Variants in ARHGEF28 observed in about 807,000 individuals in gnomAD.
The protein encoded by ARHGEF28 is 190 kDa guanine nucleotide exchange factor.
A neutral mutation model predicts 206.6 loss-of-function variants in ARHGEF28; 152 were observed. The observed-to-expected ratio is 0.74, with a 90% CI of 0.64 to 0.84. ARHGEF28 has a LOEUF of 0.84. Among genes scored for constraint, ARHGEF28 ranks in the 40% least tolerant of loss-of-function variants. The pLI, the probability that ARHGEF28 is intolerant of heterozygous loss-of-function variation, is 0.00. For synonymous variants in ARHGEF28, 763 were observed against 776.4 expected (o/e 0.98, Z 0.29); for missense variants, 2,028 against 2,073.2 (o/e 0.98, Z 0.42).
intron 26 of ARHGEF28, among the ~76,000 whole-genome samples, chr5:73,890,798 A>C (rs556486110): frequency 1.3e-5 from 2 of 152,324 alleles, no homozygotes; most frequent in South Asian, 4.1e-4. Flanking sequence ...CCAGCTCTGT[A>C]AACACTGGTG....
At chr5:73,858,813 C>T (rs1351223658) in intron 16 of ARHGEF28, among the ~76,000 whole-genome samples, 1 of 152,168 alleles carries the variant, frequency 6.6e-6, no homozygotes, top group Non-Finnish European at 1.5e-5. Context: ...AAAAAATCTC[C>T]CAATGGCTTC....
Position 73,749,853 on chromosome 5 carries a change from A to C in ARHGEF28, c.50A>C (p.Tyr17Ser). Residue 17 changes from tyrosine to serine, a missense_variant, in exon 3 of 36, where the codon TAT becomes TCT. By Grantham distance (144) the Tyr-to-Ser change is moderately radical (BLOSUM62 -2). Around this residue, in one of 3 missense-constraint regions of ARHGEF28, gnomAD observed 1,002 missense variants for 1,015.3 expected, o/e 0.99. Coordinates refer to ENST00000513042, the MANE Select transcript of ARHGEF28 (RefSeq NM_001177693.2). ...CTTTTTCAGGGGCAGATGATGATCT[A>C]TGCGAAGTTTGACAAAAATGTGTAT... ...EAPLYGQMMI[Y>S]AKFDKNVYLP... is the part of the protein sequence containing the mutation. 6.2e-7 allele frequency: 1 copy of C among 1,614,040 alleles called. No individual in the cohort carries two copies. The highest frequency in any genetic ancestry group is 1.1e-5 in the South Asian group (1 of 91,076).
chr5:73,881,462 T>A (rs1208924393), intron 22 of ARHGEF28, among the ~76,000 whole-genome samples: 1 of 152,218 alleles, frequency 6.6e-6, no homozygotes, highest in Non-Finnish European at 1.5e-5. Context: ...ATTTTTGTCA[T>A]CTTTCACTGG....
At chr5:73,760,862 C>T (rs1371276544) in intron 4 of ARHGEF28, among the ~76,000 whole-genome samples, 2 of 152,132 alleles carry the variant, frequency 1.3e-5, no homozygotes, top group Non-Finnish European at 2.9e-5. Context: ...TAAGGTACTA[C>T]ATGTTAAATA....
intron 35 of ARHGEF28, among the ~76,000 whole-genome samples, chr5:73,924,109 G>T: frequency 6.6e-6 from 1 of 152,146 alleles, no homozygotes; most frequent in East Asian, 1.9e-4. Context: ...CTGCAGCCAA[G>T]TTTCGGTAAA....
intron 35 of ARHGEF28, among the ~76,000 whole-genome samples, chr5:73,933,376 G>T (rs187240146): frequency 1.3e-5 from 2 of 152,198 alleles, no homozygotes; most frequent in Admixed American, 1.3e-4. Context: ...ATTTTATAGC[G>T]TAGGTTCACA....
At chr5:73,704,606 G>A (rs1379104469) in intron 2 of ARHGEF28, among the ~76,000 whole-genome samples, 1 of 151,924 alleles carries the variant, frequency 6.6e-6, no homozygotes, top group Non-Finnish European at 1.5e-5. Context: ...TGTATTTTTA[G>A]TAGAAATGGG....
intron 1 of ARHGEF28, among the ~76,000 whole-genome samples, chr5:73,655,222 A>G (rs1745108732): frequency 6.6e-6 from 1 of 152,184 alleles, no homozygotes; most frequent in Non-Finnish European, 1.5e-5. Flanking sequence ...TGGGTTTGTC[A>G]TGCTCTGAGC....
At chr5:73,795,226 T>C in intron 8 of ARHGEF28, 105 bp from the exon 9 acceptor site, 1 of 1,011,484 alleles carries the variant, frequency 9.9e-7, no homozygotes. Flanking sequence ...TTGTAACATG[T>C]TTTCATTGAT....
chr5:73,877,650 T>C (rs574751004), intron 22 of ARHGEF28, among the ~76,000 whole-genome samples: 33 of 137,400 alleles, frequency 2.4e-4, no homozygotes, highest in Middle Eastern at 3.6e-3. Flanking sequence ...TCAAAGAACA[T>C]CTTTATTTCT....
intron 16 of ARHGEF28, among the ~76,000 whole-genome samples, chr5:73,864,424 C>T (rs1267110450): frequency 6.6e-6 from 1 of 152,090 alleles, no homozygotes; most frequent in Non-Finnish European, 1.5e-5. Context: ...TTGTGGTAGG[C>T]ATTTTACCCA....
At chr5:73,640,478 G>A (rs1744004992) in intron 1 of ARHGEF28, among the ~76,000 whole-genome samples, 1 of 152,098 alleles carries the variant, frequency 6.6e-6, no homozygotes. Flanking sequence ...CATATACTCT[G>A]TTTAAGCCAA....
intron 9 of ARHGEF28, among the ~76,000 whole-genome samples, chr5:73,814,727 A>G (rs192711102): frequency 6.6e-6 from 1 of 152,250 alleles, no homozygotes; most frequent in Non-Finnish European, 1.5e-5. Flanking sequence ...TGCTTCTCCC[A>G]GAGGAGGATG....
rs7714670 is a variant in ARHGEF28, at chr5:73,776,529, T to C, written c.673T>C (p.Trp225Arg). ...VEDVTNFQGR[W>R]SPSFSRVQLS... ...GTGTTGTTTCAGTTTTCAGGGCAGATGGTCCCCAAGCTTCTCCCGAGTGCA... is the reference window on the plus strand; with the variant it reads ...GTGTTGTTTCAGTTTTCAGGGCAGACGGTCCCCAAGCTTCTCCCGAGTGCA... Residue 225 changes from tryptophan (W) to arginine (R), a missense_variant, in exon 6 of 36, where the codon TGG becomes CGG. By Grantham distance (101) the Trp-to-Arg change is moderately radical. This residue lies in a region of ARHGEF28 where 1,002 missense variants were observed against 1,015.3 expected (regional missense o/e 0.99). Transcript: ENST00000513042. 718,609 of 1,608,154 alleles carry C rather than the reference T, an allele frequency of 0.45. 162,170 individuals are homozygous for C. Among genetic ancestry groups the C allele is most frequent in the Non-Finnish European group, 0.46 (546,989 of 1,176,446 alleles).
chr5:73,657,579 G>A (rs1439046108), intron 1 of ARHGEF28, among the ~76,000 whole-genome samples: 1 of 152,136 alleles, frequency 6.6e-6, no homozygotes. Context: ...TCATAATATT[G>A]AATGGTGAGC....
intron 9 of ARHGEF28, among the ~76,000 whole-genome samples, chr5:73,811,554 T>C (rs1444347442): frequency 6.6e-6 from 1 of 152,204 alleles, no homozygotes; most frequent in Non-Finnish European, 1.5e-5. Context: ...GTAAATGCTC[T>C]TCCACAAGAT....
At chr5:73,876,860 A>G (rs535314235) in intron 22 of ARHGEF28, among the ~76,000 whole-genome samples, 2,143 of 147,256 alleles carry the variant, frequency 0.015, 54 homozygotes, top group African/African-American at 0.052. Flanking sequence ...AGTGTTCATC[A>G]TGGATATTGG....
chr5:73,752,312 A>G (rs746902996), intron 3 of ARHGEF28, among the ~76,000 whole-genome samples: 6 of 152,182 alleles, frequency 3.9e-5, no homozygotes, highest in Non-Finnish European at 8.8e-5. Context: ...GAGAACACCT[A>G]CAAGACAGAG....
chr5:73,672,670 T>C (rs1457692439), intron 1 of ARHGEF28, among the ~76,000 whole-genome samples: 2 of 152,248 alleles, frequency 1.3e-5, no homozygotes, highest in Non-Finnish European at 2.9e-5. Context: ...CCCATGATGC[T>C]TGAGTGATGA....
Sources: allele counts gnomAD v4.1 joint callset (sites outside exome capture counted in the v4.1 genomes callset), GRCh38; gene constraint gnomAD v4.1.1; regional missense constraint gnomAD v4.1.1; transcripts MANE v1.5; gene names NCBI Gene and HGNC (gene_info 2026-07-23, HGNC 2026-07-21).